The following ZC3H10 variants were observed in gnomAD, a reference collection of about 807,000 sequenced individuals.
The protein encoded by ZC3H10 is zinc finger CCCH-type containing 10.
In ZC3H10, 12 loss-of-function variants were observed where a neutral mutation model predicts 24.3. The observed-to-expected ratio is 0.49, with a 90% CI of 0.32 to 0.80. ZC3H10 has a LOEUF of 0.80. ZC3H10 is among the 30% of genes least tolerant of loss of function. ZC3H10 has a pLI of 0.04. For missense variants in ZC3H10, 360 were observed against 576.3 expected (o/e 0.62, Z 3.84); for synonymous variants, 226 against 217.0 (o/e 1.04, Z -0.36).
rs1869882159 is a variant in ZC3H10 at position 56,122,663 on chromosome 12, G to A, written c.*796G>A. 1 of 152,424 alleles carries A rather than the reference G, an allele frequency of 6.6e-6. No homozygotes were observed. The highest frequency in any genetic ancestry group is 1.5e-5 in the Non-Finnish European group (1 of 68,062). The allele number at this position is 152,424 out of a possible 1,614,324, so 9.4% of individuals were successfully genotyped here. A position where few individuals can be genotyped will look rare whatever the true frequency, so the allele number is the denominator to read the frequency against. On this transcript the variant is annotated 3_prime_UTR_variant, in exon 3 of 3. Coordinates refer to ENST00000257940, the MANE Select transcript of ZC3H10 (RefSeq NM_032786.3). ...CCAGAACAAGACCAAATGGGGCTTT[G>A]GGGAAGGCACTTTATGGGGTAAAAG...
Position 56,121,387 on chromosome 12 carries a change from C to T in ZC3H10, c.825C>T (p.Phe275=), listed in dbSNP as rs1869822455. The change falls in exon 3 of 3, where the codon TTC becomes TTT. Residue 275 remains phenylalanine, a synonymous_variant. Coordinates refer to ENST00000257940, the MANE Select transcript of ZC3H10 (RefSeq NM_032786.3). The surrounding 1 kb of genome is among the most constrained non-coding windows in gnomAD (Gnocchi z 6.2). ...TACTACTGGAACAAAATGCTCAGTT[C>T]CGCAATCAGGCCAAGGTCATAACCC... ...NEVLLEQNAQ[F]RNQAKVITLS... 1 of 1,614,016 alleles carries T rather than the reference C, an allele frequency of 6.2e-7. No individual in the cohort carries two copies. Among genetic ancestry groups the T allele is most frequent in the Admixed American group, 1.7e-5 (1 of 60,004 alleles).
In ZC3H10 at chr12:56,122,375, T is replaced by G. The variant is rs1436827046; in HGVS notation, c.*508T>G. 1 of 168,892 alleles carries G rather than the reference T, an allele frequency of 5.9e-6. No individual in the cohort carries two copies. The highest frequency in any genetic ancestry group is 1.4e-5 in the Non-Finnish European group (1 of 69,512). 10.5% of individuals were successfully genotyped at this position (168,892 alleles called of 1,614,324 possible). On this transcript the variant is annotated 3_prime_UTR_variant, in exon 3 of 3. Transcript: ENST00000257940. ...AATTGCTTCTGGGCCCTGGGAAAGC[T>G]GGGACCATAGTGCTCCAGCCCAAAG...
At position 56,126,257 on chromosome 12, in the gene ZC3H10, C is replaced by G. The variant is rs970011810; in HGVS notation, c.*4390C>G. On this transcript the variant is annotated 3_prime_UTR_variant, in exon 3 of 3. Transcript: ENST00000257940. The stretch of plus-strand genomic sequence containing the variant: ...AGATTGCAAGTCCAGGAAGTTTACT[C>G]TCTCTCCTCCTGTAGGCCTCATCCT... 3.9e-5 allele frequency: 6 copies of G among 152,172 alleles called. No homozygotes were observed. The highest frequency in any genetic ancestry group is 7.3e-5 in the Non-Finnish European group (5 of 68,034). 9.4% of individuals were successfully genotyped at this position (152,172 alleles called of 1,614,324 possible). A position where few individuals can be genotyped will look rare whatever the true frequency, so the allele number is the denominator to read the frequency against.
At position 56,125,280 on chromosome 12, in the gene ZC3H10, C is replaced by G. The variant is rs1032851441; in HGVS notation, c.*3413C>G. 4.7e-5 allele frequency: 7 copies of G among 149,902 alleles called. No individual in the cohort carries two copies. The highest frequency in any genetic ancestry group is 1.7e-4 in the African/African-American group (7 of 40,616). 9.3% of individuals were successfully genotyped at this position (149,902 alleles called of 1,614,324 possible). Reference sequence around the variant, plus strand: ...TGAGACGGAGTCTAGCTGTGTGGCCCAGGCTTCAGTGCAGTGGCACGATCT... The same window carrying G: ...TGAGACGGAGTCTAGCTGTGTGGCCGAGGCTTCAGTGCAGTGGCACGATCT... On this transcript the variant is annotated 3_prime_UTR_variant, in exon 3 of 3. Coordinates refer to ENST00000257940, the MANE Select transcript of ZC3H10 (RefSeq NM_032786.3).
In ZC3H10 at chr12:56,121,903, A is replaced by G. The variant is rs1349305846; in HGVS notation, c.*36A>G. ...GGACACTCCCCTGGTATAGCCTCGC[A>G]GGGCTGGGGTCAGGGGGCCCTTGCC... On this transcript the variant is annotated 3_prime_UTR_variant, in exon 3 of 3. Transcript: ENST00000257940. This position sits in a 1 kb window ranked among gnomAD's most constrained non-coding sequence, Gnocchi z 6.2. The G allele has an allele frequency of 6.4e-7, 1 of 1,551,294 alleles. No individual in the cohort carries two copies. The highest frequency in any genetic ancestry group is 1.2e-5 in the South Asian group (1 of 80,992).
chr12:56,123,098 G>A lies in ZC3H10; in HGVS notation c.*1231G>A, dbSNP rs1869893973. ...GACCAGAAGTTTTAAATCTACTTAA[G>A]TCAGTAAGGCCAGGGGCCCCAATAG... On this transcript the variant is annotated 3_prime_UTR_variant, in exon 3 of 3. Transcript: ENST00000257940. 2 of 152,202 alleles carry A rather than the reference G, an allele frequency of 1.3e-5. No individual in the cohort carries two copies. The highest frequency in any genetic ancestry group is 4.1e-4 in the South Asian group (2 of 4,832). The allele number at this position is 152,202 out of a possible 1,614,324, so 9.4% of individuals were successfully genotyped here. A position where few individuals can be genotyped will look rare whatever the true frequency, so the allele number is the denominator to read the frequency against.
rs1393228527 is a variant in ZC3H10 at position 56,121,270 on chromosome 12, G to A, written c.708G>A (p.Glu236=). Residue 236 remains glutamate (E), a synonymous_variant, in exon 3 of 3, where the codon GAG becomes GAA. Transcript: ENST00000257940. The surrounding 1 kb of genome is among the most constrained non-coding windows in gnomAD (Gnocchi z 6.2). Reference sequence around the variant, plus strand: ...GTTTGGCTCCACCGCGAGGGGTGGAGTGCAGACTGCTAGAGGAGGAGAATG... The same window carrying A: ...GTTTGGCTCCACCGCGAGGGGTGGAATGCAGACTGCTAGAGGAGGAGAATG... The part of the protein sequence containing the change: ...EYSLAPPRGV[E]CRLLEEENAM... 3 of 1,613,302 alleles carry A rather than the reference G, an allele frequency of 1.9e-6. No homozygotes were observed. Among genetic ancestry groups the A allele is most frequent in the East Asian group, 2.2e-5 (1 of 44,898 alleles).
At position 56,126,951 on chromosome 12, in the gene ZC3H10, A is replaced by C. The variant is rs1409428565; in HGVS notation, c.*5084A>C. 4 of 152,028 alleles carry C rather than the reference A, an allele frequency of 2.6e-5. No homozygotes were observed. The highest frequency in any genetic ancestry group is 6.5e-5 in the Admixed American group (1 of 15,270). The allele number at this position is 152,028 out of a possible 1,614,324, so 9.4% of individuals were successfully genotyped here. A position where few individuals can be genotyped will look rare whatever the true frequency, so the allele number is the denominator to read the frequency against. ...TCTATGCCCTGCAGAACCAGATAAA[A>C]TTTATCAGCTGCAGGCCTCATCCTG... is the stretch of plus-strand genomic sequence containing the variant. On this transcript the variant is annotated 3_prime_UTR_variant, in exon 3 of 3. Transcript: ENST00000257940.
Position 56,121,085 on chromosome 12 carries a change from G to A in ZC3H10, c.523G>A (p.Gly175Arg), listed in dbSNP as rs1345140857. 1.2e-6 allele frequency: 2 copies of A among 1,614,190 alleles called. No homozygotes were observed. The highest frequency in any genetic ancestry group is 2.2e-5 in the South Asian group (2 of 91,082). ...TGCTCGGGGTGGAGGAGGCACTGGTGGGGGCTCAACAGGCTCAGTCCTCCC... is the reference window on the plus strand; with the variant it reads ...TGCTCGGGGTGGAGGAGGCACTGGTAGGGGCTCAACAGGCTCAGTCCTCCC... ...FDARGGGGTG[G>R]GSTGSVLPGR... The change falls in exon 3 of 3, where the codon GGG (glycine) becomes AGG (arginine). Residue 175 changes from glycine to arginine, a missense_variant. Physicochemically the swap from Gly to Arg is moderately radical, Grantham distance 125. Transcript: ENST00000257940. The surrounding 1 kb of genome is among the most constrained non-coding windows in gnomAD (Gnocchi z 6.2).
In ZC3H10 at chr12:56,121,828, C is replaced by T. The variant is rs767974328; in HGVS notation, c.1266C>T (p.Ile422=). The change falls in exon 3 of 3, where the codon ATC becomes ATT. Residue 422 remains isoleucine, a synonymous_variant. Coordinates refer to ENST00000257940, the MANE Select transcript of ZC3H10 (RefSeq NM_032786.3). This position sits in a 1 kb window ranked among gnomAD's most constrained non-coding sequence, Gnocchi z 6.2. ...HTTTPMVTYP[I]ASQSMRITAM... Reference sequence around the variant, plus strand: ...CCACTCCCATGGTGACTTACCCTATCGCTTCCCAGAGCATGCGCATCACGG... The same window carrying T: ...CCACTCCCATGGTGACTTACCCTATTGCTTCCCAGAGCATGCGCATCACGG... The T allele has an allele frequency of 1.7e-5, 28 of 1,613,552 alleles. No homozygotes were observed. Among genetic ancestry groups the T allele is most frequent in the African/African-American group, 5.3e-5 (4 of 74,930 alleles).
In ZC3H10 at chr12:56,121,521, C is replaced by G. The variant is rs1433473124; in HGVS notation, c.959C>G (p.Ala320Gly). 2.5e-6 allele frequency: 4 copies of G among 1,613,864 alleles called. No homozygotes were observed. In the East Asian group the frequency reaches 8.9e-5, roughly 36 times the overall value. The change falls in exon 3 of 3, where the codon GCT becomes GGT. Residue 320 changes from alanine (A) to glycine (G), a missense_variant. Around this residue, in one of 3 missense-constraint regions of ZC3H10, gnomAD observed 133 missense variants for 256.7 expected, o/e 0.52. Coordinates refer to ENST00000257940, the MANE Select transcript of ZC3H10 (RefSeq NM_032786.3). This position sits in a 1 kb window ranked among gnomAD's most constrained non-coding sequence, Gnocchi z 6.2. ...ACTCACACTACTCTCAGCAGCCAGG[C>G]TCTACAGCCTCGTCCAGTGTCCCAG... ...AQTHTTLSSQ[A>G]LQPRPVSQQE...
chr12:56,120,617 G>A lies in ZC3H10; in HGVS notation c.55G>A (p.Gly19Arg). ...NGTGSSGGGP[G>R]GGGSEEASGA... ...TACCGGGAGCAGCGGTGGAGGCCCT[G>A]GAGGTGGTGGCAGCGAGGAGGCCAG... Residue 19 changes from glycine to arginine, a missense_variant, in exon 3 of 3, where the codon GGA (glycine) becomes AGA (arginine). Transcript: ENST00000257940. 6.3e-7 allele frequency: 1 copy of A among 1,596,102 alleles called. No individual in the cohort carries two copies. The highest frequency in any genetic ancestry group is 1.1e-5 in the South Asian group (1 of 88,366).
rs1256716069 is a variant in ZC3H10 at position 56,121,369 on chromosome 12, G to A, written c.807G>A (p.Leu269=). The part of the protein sequence containing the change: ...SNLLATNEVL[L]EQNAQFRNQA... ...TGCTGGCCACCAATGAGGTACTACT[G>A]GAACAAAATGCTCAGTTCCGCAATC... Residue 269 remains leucine, a synonymous_variant, in exon 3 of 3, where the codon CTG becomes CTA. Transcript: ENST00000257940. The surrounding 1 kb of genome is among the most constrained non-coding windows in gnomAD (Gnocchi z 6.2). 1 of 1,614,056 alleles carries A rather than the reference G, an allele frequency of 6.2e-7. No individual in the cohort carries two copies. The highest frequency in any genetic ancestry group is 2.2e-5 in the East Asian group (1 of 44,880).
In ZC3H10 at chr12:56,120,817, G is replaced by T. The variant is rs1167412891; in HGVS notation, c.255G>T (p.Lys85Asn). ...EFIFCHDFQN[K>N]ECSRPNCRFI... is the part of the protein sequence containing the mutation. ...TCTTCTGCCATGACTTCCAGAACAA[G>T]GAGTGTAGCCGCCCAAATTGCCGTT... is the stretch of plus-strand genomic sequence containing the variant. The change falls in exon 3 of 3, where the codon AAG becomes AAT. Residue 85 changes from lysine to asparagine, a missense_variant. This residue lies in a region of ZC3H10 where 126 missense variants were observed against 208.8 expected (regional missense o/e 0.60). Transcript: ENST00000257940. 6.2e-7 allele frequency: 1 copy of T among 1,614,200 alleles called. No individual in the cohort carries two copies. Among genetic ancestry groups the T allele is most frequent in the African/African-American group, 1.3e-5 (1 of 75,046 alleles).
intron 1 of ZC3H10, 42 bp downstream of exon 1, chr12:56,118,360 G>A (rs1869700840): frequency 6.5e-6 from 1 of 153,540 alleles, no homozygotes; most frequent in African/African-American, 2.4e-5. Context: ...GCGCCCGGAG[G>A]GGAGGAGTCG....
At chr12:56,119,840 C>T (rs1869756479) in intron 2 of ZC3H10, 2 of 152,126 alleles carry the variant, frequency 1.3e-5, no homozygotes, top group South Asian at 4.1e-4. Context: ...TCCCACTTGA[C>T]CTTATCACAA....
At position 56,122,099 on chromosome 12, in the gene ZC3H10, G is replaced by T. The variant is rs1294650280; in HGVS notation, c.*232G>T. 24 of 580,016 alleles carry T rather than the reference G, an allele frequency of 4.1e-5. No homozygotes were observed. Among genetic ancestry groups the T allele is most frequent in the Non-Finnish European group, 1.2e-5 (4 of 324,936 alleles). The allele number at this position is 580,016 out of a possible 1,614,324, so 35.9% of individuals were successfully genotyped here. ...AGCCTCACAGTGGGGGCTTGCAGAG[G>T]AGTGCAGACTGAAGCCAGCAGAGAG... On this transcript the variant is annotated 3_prime_UTR_variant, in exon 3 of 3. Coordinates refer to ENST00000257940, the MANE Select transcript of ZC3H10 (RefSeq NM_032786.3).
In ZC3H10 at chr12:56,121,490, G is replaced by C; in HGVS notation, c.928G>C (p.Ala310Pro). ...GTVATFNHGI[A>P]QTHTTLSSQA... ...TGTTGCCACTTTTAACCATGGCATT[G>C]CCCAGACTCACACTACTCTCAGCAG... The change falls in exon 3 of 3, where the codon GCC becomes CCC. Residue 310 changes from alanine (A) to proline (P), a missense_variant. Ala to Pro is a conservative substitution (Grantham distance 27). Around this residue, in one of 3 missense-constraint regions of ZC3H10, gnomAD observed 133 missense variants for 256.7 expected, o/e 0.52. Coordinates refer to ENST00000257940, the MANE Select transcript of ZC3H10 (RefSeq NM_032786.3). This position sits in a 1 kb window ranked among gnomAD's most constrained non-coding sequence, Gnocchi z 6.2. The C allele has an allele frequency of 6.2e-7, 1 of 1,612,642 alleles. No homozygotes were observed. Among genetic ancestry groups the C allele is most frequent in the Non-Finnish European group, 8.5e-7 (1 of 1,178,804 alleles).
Position 56,123,517 on chromosome 12 carries a change from G to T in ZC3H10, c.*1650G>T, listed in dbSNP as rs1869907721. The T allele has an allele frequency of 6.6e-6, 1 of 151,792 alleles. No homozygotes were observed. Among genetic ancestry groups the T allele is most frequent in the Non-Finnish European group, 1.5e-5 (1 of 67,974 alleles). 9.4% of individuals were successfully genotyped at this position (151,792 alleles called of 1,614,324 possible). On this transcript the variant is annotated 3_prime_UTR_variant, in exon 3 of 3. Transcript: ENST00000257940. ...GTTCACTGTAACCTGCGCCTCCTGG[G>T]TTCAAGCGATTCTCTTGCGTCAGCC... is the stretch of plus-strand genomic sequence containing the variant.
Sources: allele counts gnomAD v4.1 joint callset, GRCh38; gene constraint gnomAD v4.1.1; regional missense constraint gnomAD v4.1.1; non-coding constraint Gnocchi (gnomAD v3.1); transcripts MANE v1.5; gene names NCBI Gene and HGNC (gene_info 2026-07-23, HGNC 2026-07-21).